TEKT1: variants seen among roughly 807,000 people sequenced by gnomAD.
TEKT1 encodes tektin 1.
In TEKT1, 32 loss-of-function variants were observed where a neutral mutation model predicts 34.8. That is an observed-to-expected ratio of 0.92 (90% CI 0.69 to 1.23). The LOEUF is 1.23. TEKT1 is among the 50% of genes most tolerant of loss of function. The probability of loss-of-function intolerance (pLI) is 0.00; values close to 1 mark genes in which losing one functional copy is unlikely to be tolerated. For missense variants in TEKT1, 492 were observed against 518.5 expected (o/e 0.95, Z 0.50); for synonymous variants, 207 against 199.8 (o/e 1.04, Z -0.30).
At chr17:6,804,595 G>T (rs185707026) in intron 6 of TEKT1, among the ~76,000 whole-genome samples, 119 of 152,250 alleles carry the variant, frequency 7.8e-4, no homozygotes, top group Middle Eastern at 3.4e-3. Flanking sequence ...TTGGCTGTGG[G>T]TTTCTTATAG....
chr17:6,826,094 C>CT (rs1806487159), intron 2 of TEKT1, among the ~76,000 whole-genome samples: 1 of 152,212 alleles, frequency 6.6e-6, no homozygotes, highest in South Asian at 2.1e-4. Flanking sequence ...TCCACATCCT[C>CT]TTTCCTCTCC....
At chr17:6,805,016 TG>T (rs1976825408) in intron 6 of TEKT1, among the ~76,000 whole-genome samples, 1 of 152,218 alleles carries the variant, frequency 6.6e-6, no homozygotes, top group African/African-American at 2.4e-5. Flanking sequence ...TTCTATTGAT[TG>T]GAATAGTTTC....
At chr17:6,820,376 A>AAT (rs766468808) in intron 2 of TEKT1, among the ~76,000 whole-genome samples, 5 of 151,698 alleles carry the variant, frequency 3.3e-5, no homozygotes, top group East Asian at 1.9e-4. Flanking sequence ...AAAACAATTA[A>AAT]ATATATATAT....
chr17:6,804,701 TG>T (rs1376616181), intron 6 of TEKT1, among the ~76,000 whole-genome samples: 7 of 152,366 alleles, frequency 4.6e-5, no homozygotes, highest in African/African-American at 1.4e-4. Context: ...AGGCCTTTTC[TG>T]CATCTATTGA....
In TEKT1 at chr17:6,811,306, ATGTGTGTGTG is replaced by A. The variant is rs34180300; in HGVS notation, c.852+1515_852+1524del. On this transcript the variant is annotated intron_variant, in intron 6 of 7. Transcript: ENST00000338694. This position sits in a 1 kb window ranked among gnomAD's most constrained non-coding sequence, Gnocchi z 4.4. ...ATTATATGTTAATCATATATGCAAA[ATGTGTGTGTG>A]TGTGTGTGTGTGTGTGTGAAATGTA... Among the ~76,000 whole-genome samples the A allele has an allele frequency of 6.7e-6, 1 of 149,684 alleles. No individual in the cohort carries two copies. The highest frequency in any genetic ancestry group is 1.5e-5 in the Non-Finnish European group (1 of 67,328).
At chr17:6,813,154 G>A in intron 5 of TEKT1, 101 bp from the exon 6 acceptor site, 1 of 963,118 alleles carries the variant, frequency 1.0e-6, no homozygotes. Flanking sequence ...GAACCACCTA[G>A]AATGTTACCC....
intron 2 of TEKT1, among the ~76,000 whole-genome samples, chr17:6,822,261 T>G (rs556018853): frequency 6.6e-6 from 1 of 152,198 alleles, no homozygotes; most frequent in African/African-American, 2.4e-5. Context: ...CTCAGCCTCC[T>G]GGGTAGCTGA....
intron 1 of TEKT1, 24 bp from the exon 2 acceptor site, chr17:6,830,417 G>T (rs1171041580): frequency 2.1e-6 from 3 of 1,460,764 alleles, no homozygotes; most frequent in South Asian, 1.3e-5. Context: ...GACTCTTTTA[G>T]ATTAAATGAA....
Position 6,799,770 on chromosome 17 carries a change from C to A in TEKT1, c.*257G>T. On this transcript the variant is annotated 3_prime_UTR_variant, in exon 8 of 8. Coordinates refer to ENST00000338694, the MANE Select transcript of TEKT1 (RefSeq NM_053285.2). ...ATCTGAACTGAAATGTCTTGAAACC[C>A]TGTCCTGGGGCCCCAAGTCCTGTGA... 1 of 372,406 alleles carries A rather than the reference C, an allele frequency of 2.7e-6. No homozygotes were observed. Among genetic ancestry groups the A allele is most frequent in the Non-Finnish European group, 4.8e-6 (1 of 208,208 alleles). 23.1% of individuals were successfully genotyped at this position (372,406 alleles called of 1,614,324 possible).
At chr17:6,808,108 G>C (rs1976871073) in intron 6 of TEKT1, among the ~76,000 whole-genome samples, 1 of 152,182 alleles carries the variant, frequency 6.6e-6, no homozygotes, top group Non-Finnish European at 1.5e-5. Flanking sequence ...GCTGCAGTGG[G>C]CTCCACCCAG....
chr17:6,821,997 A>C (rs962666455), intron 2 of TEKT1, among the ~76,000 whole-genome samples: 17 of 148,780 alleles, frequency 1.1e-4, no homozygotes, highest in Non-Finnish European at 2.1e-4. Flanking sequence ...AAGTAACAAG[A>C]AGCCGAATGC....
intron 2 of TEKT1, among the ~76,000 whole-genome samples, chr17:6,824,980 A>T (rs1195113998): frequency 1.3e-5 from 2 of 152,248 alleles, no homozygotes; most frequent in Admixed American, 1.3e-4. Context: ...CAAAGAAAAT[A>T]GTGATAAAAT....
chr17:6,819,204 G>A lies in TEKT1; in HGVS notation c.345C>T (p.Cys115=), dbSNP rs1482726341. The change falls in exon 3 of 8, where the codon TGC becomes TGT. Residue 115 remains cysteine (C), a synonymous_variant. Transcript: ENST00000338694. The part of the protein sequence containing the change: ...LKEPLHITET[C]LAYREKRIGI... ...ACCTTCGCTCCTACCTGTATGCCAG[G>A]CATGTCTCAGTGATGTGCAAGGGCT... 2 of 1,612,474 alleles carry A rather than the reference G, an allele frequency of 1.2e-6. No individual in the cohort carries two copies. The highest frequency in any genetic ancestry group is 1.7e-6 in the Non-Finnish European group (2 of 1,179,432).
chr17:6,803,355 A>G (rs188648398), intron 6 of TEKT1, among the ~76,000 whole-genome samples: 50 of 152,228 alleles, frequency 3.3e-4, no homozygotes, highest in Admixed American at 9.8e-4. Flanking sequence ...GATTCTGGAT[A>G]TTAGCCCTTT....
chr17:6,801,644 G>A (rs1019481163), intron 6 of TEKT1, among the ~76,000 whole-genome samples: 1 of 152,074 alleles, frequency 6.6e-6, no homozygotes. Flanking sequence ...GGAGGCGGAG[G>A]TTGCAGTGAG....
At chr17:6,801,438 G>A (rs1441169745) in intron 6 of TEKT1, among the ~76,000 whole-genome samples, 2 of 152,174 alleles carry the variant, frequency 1.3e-5, no homozygotes, top group Non-Finnish European at 2.9e-5. Flanking sequence ...GGCCAGATGT[G>A]GTGGCTCACA....
At chr17:6,804,855 C>T (rs553915091) in intron 6 of TEKT1, among the ~76,000 whole-genome samples, 9 of 152,238 alleles carry the variant, frequency 5.9e-5, no homozygotes, top group Non-Finnish European at 2.9e-5. Context: ...CTGCTGGATT[C>T]AGTTTGCCAG....
At chr17:6,807,597 T>C (rs1976864038) in intron 6 of TEKT1, among the ~76,000 whole-genome samples, 2 of 152,162 alleles carry the variant, frequency 1.3e-5, no homozygotes, top group Admixed American at 6.5e-5. Context: ...ATCTTTGTGG[T>C]TTTATCTACC....
Position 6,812,880 on chromosome 17 carries a change from A to AAT in TEKT1, c.802_803insAT (p.Leu268HisfsTer2). On this transcript the variant is annotated frameshift_variant, in exon 6 of 8. Transcript: ENST00000338694. LOFTEE classifies it high-confidence loss of function. ...GTCCCTGGCATCCTTTGTATCCTTC[A>AAT]GCCCATTCTTGAATGCCGTGTCCAC... The AAT allele has an allele frequency of 6.2e-7, 1 of 1,614,182 alleles. No individual in the cohort carries two copies. The highest frequency in any genetic ancestry group is 8.5e-7 in the Non-Finnish European group (1 of 1,180,036).
Sources: gnomAD v4.1 joint callset for allele counts (sites outside exome capture counted in the v4.1 genomes callset) on GRCh38, gnomAD v4.1.1 for gene constraint, Gnocchi (gnomAD v3.1) non-coding constraint, MANE v1.5 for transcripts, NCBI Gene and HGNC (gene_info 2026-07-23, HGNC 2026-07-21) for gene names.